The following ABCA8 variants were observed in gnomAD, a reference collection of about 807,000 sequenced individuals.
The protein encoded by ABCA8 is ATP binding cassette subfamily A member 8.
In ABCA8, 177 loss-of-function variants were observed where a neutral mutation model predicts 192.3. The observed-to-expected ratio is 0.92, with a 90% CI of 0.81 to 1.04. The LOEUF (loss-of-function observed/expected upper bound fraction) is 1.04. Ranked by LOEUF, ABCA8 falls within the 50% of genes least tolerant of loss-of-function variation. The probability of loss-of-function intolerance (pLI) is 0.00; values close to 1 mark genes in which losing one functional copy is unlikely to be tolerated. For synonymous variants in ABCA8, 642 were observed against 690.2 expected (o/e 0.93, Z 1.09); for missense variants, 1,915 against 1,904.8 (o/e 1.01, Z -0.10).
intron 37 of ABCA8, among the ~76,000 whole-genome samples, chr17:68,873,761 G>T (rs1255079340): frequency 6.6e-6 from 1 of 152,116 alleles, no homozygotes; most frequent in African/African-American, 2.4e-5. Context: ...TCATTCTTCT[G>T]CATGTGGATA....
intron 32 of ABCA8, chr17:68,878,483 GC>G (rs1453396549): frequency 6.6e-6 from 1 of 152,268 alleles, no homozygotes; most frequent in African/African-American, 2.4e-5. Flanking sequence ...TGTCCTTCCA[GC>G]CATAGAGCAG....
chr17:68,900,853 C>T (rs1443732354), intron 21 of ABCA8, among the ~76,000 whole-genome samples: 4 of 152,058 alleles, frequency 2.6e-5, no homozygotes, highest in Non-Finnish European at 5.9e-5. Context: ...ACAAATCCAA[C>T]ATCTGTTCAT....
At chr17:68,945,058 G>A (rs1263950121) in intron 2 of ABCA8, among the ~76,000 whole-genome samples, 1 of 152,138 alleles carries the variant, frequency 6.6e-6, no homozygotes, top group Non-Finnish European at 1.5e-5. Flanking sequence ...AAAAAGCTAT[G>A]GCAGTCTATG....
intron 22 of ABCA8, 83 bp downstream of exon 22, chr17:68,894,797 A>G (rs1359201105): frequency 1.4e-6 from 2 of 1,433,042 alleles, no homozygotes; most frequent in South Asian, 1.5e-5. Flanking sequence ...TTTCATTTTT[A>G]TTTCTTAAGT....
chr17:68,947,824 C>A (rs1174171575), intron 2 of ABCA8, among the ~76,000 whole-genome samples: 1 of 151,976 alleles, frequency 6.6e-6, no homozygotes, highest in African/African-American at 2.4e-5. Flanking sequence ...GTTTGCTGCA[C>A]CTATCAACCC....
rs756904179 is a variant in ABCA8 at position 68,881,937 on chromosome 17, C to T, written c.3872G>A (p.Gly1291Glu). The change falls in exon 31 of 40, where the codon GGG becomes GAG. Residue 1291 changes from glycine (G) to glutamate (E), a missense_variant. Gly to Glu is a moderately conservative substitution (Grantham distance 98, BLOSUM62 -2). Transcript: ENST00000586539. ...CTTGGAAAAACAGCCTTTCCTCTTC[C>T]CTGCATACTCCTTGCGTAGACAGCT... ...IASCLRKEYA[G>E]KRKGCFSKRK... 2 of 1,614,112 alleles carry T rather than the reference C, an allele frequency of 1.2e-6. No individual in the cohort carries two copies. Among genetic ancestry groups the T allele is most frequent in the South Asian group, 2.2e-5 (2 of 91,080 alleles).
chr17:68,895,001 T>G lies in ABCA8; in HGVS notation c.2777A>C (p.Asp926Ala), dbSNP rs776720062. Residue 926 changes from aspartate to alanine, a missense_variant, in exon 22 of 40, where the codon GAT (aspartate) becomes GCT (alanine). Asp to Ala is a moderately radical substitution (Grantham distance 126). Transcript: ENST00000586539. ...LIINKTGASI[D>A]DFIQSVEHQN... ...GTGCTCCACAGACTGTATAAAGTCA[T>G]CAATGCTTGCCCCTAAGGTGTAGTT... is the stretch of plus-strand genomic sequence containing the variant. 3.1e-6 allele frequency: 5 copies of G among 1,608,594 alleles called. No homozygotes were observed. Among genetic ancestry groups the G allele is most frequent in the Non-Finnish European group, 4.2e-6 (5 of 1,178,244 alleles).
chr17:68,902,938 T>G, intron 20 of ABCA8, 59 bp from the exon 21 acceptor site: 2 of 1,419,770 alleles, frequency 1.4e-6, no homozygotes, highest in South Asian at 1.3e-5. Flanking sequence ...TAATACTCTC[T>G]GAGCAGTTTA....
chr17:68,871,667 A>C (rs1426017242), intron 37 of ABCA8, among the ~76,000 whole-genome samples: 1 of 152,152 alleles, frequency 6.6e-6, no homozygotes, highest in Non-Finnish European at 1.5e-5. Flanking sequence ...TGTCATAATC[A>C]ATAATGGACT....
rs200731404 is a variant in ABCA8 at position 68,937,086 on chromosome 17, C to T, written c.331G>A (p.Glu111Lys). Residue 111 changes from glutamate to lysine, a missense_variant, in exon 5 of 40, where the codon GAA becomes AAA. Coordinates refer to ENST00000586539, the MANE Select transcript of ABCA8 (RefSeq NM_001288985.2). ...TTTGCTGTGAATTCTTTAATACTTT[C>T]CTCATCTGGCAGTCCCAAGACCTCT... ...GKEVLGLPDE[E>K]SIKEFTANYP... 2 of 1,608,072 alleles carry T rather than the reference C, an allele frequency of 1.2e-6. No homozygotes were observed. Among genetic ancestry groups the T allele is most frequent in the Admixed American group, 1.7e-5 (1 of 58,878 alleles).
At chr17:68,918,690 T>TTG in intron 14 of ABCA8, 144 bp from the exon 15 acceptor site, 1 of 749,844 alleles carries the variant, frequency 1.3e-6, no homozygotes, top group East Asian at 3.2e-5. Context: ...TCTCAGCACT[T>TTG]TGGGAGGCTG....
chr17:68,903,284 G>A lies in ABCA8; in HGVS notation c.2597+17C>T, dbSNP rs767848697. The A allele has an allele frequency of 3.1e-6, 5 of 1,612,686 alleles. No homozygotes were observed. In the South Asian group the frequency reaches 5.5e-5, roughly 18 times the overall value. On this transcript the variant is annotated intron_variant, in intron 20 of 39. Coordinates refer to ENST00000586539, the MANE Select transcript of ABCA8 (RefSeq NM_001288985.2). Reference sequence around the variant, plus strand: ...CATTGACTTAAAAAGAAAACCTATGGCAACTCTGATACTTACAGTGCTAAA... The same window carrying A: ...CATTGACTTAAAAAGAAAACCTATGACAACTCTGATACTTACAGTGCTAAA...
At chr17:68,873,563 G>A (rs1052971152) in intron 37 of ABCA8, among the ~76,000 whole-genome samples, 5 of 151,958 alleles carry the variant, frequency 3.3e-5, no homozygotes, top group South Asian at 2.1e-4. Context: ...ATATCATCCC[G>A]CTTGTTTATT....
intron 9 of ABCA8, 130 bp from the exon 10 acceptor site, chr17:68,928,193 C>T (rs1176786320): frequency 4.4e-6 from 3 of 675,354 alleles, no homozygotes; most frequent in Admixed American, 4.1e-5. Context: ...AGGGAGACTG[C>T]CTCCTTTATG....
rs372811858 is a variant in ABCA8 at position 68,929,175 on chromosome 17, G to A, written c.999C>T (p.Val333=). 1.6e-5 allele frequency: 26 copies of A among 1,610,520 alleles called. No individual in the cohort carries two copies. Among genetic ancestry groups the A allele is most frequent in the Middle Eastern group, 1.7e-4 (1 of 6,054 alleles). ...CCCAAAAGACAGTGAGGAGGAACAC[G>A]ACCAGGCCGGTGAGGAAAGATTTCT... ...LVKKSFLTGL[V]VFLLTVFWGC... is the part of the protein sequence containing the mutation. The change falls in exon 9 of 40, where the codon GTC becomes GTT. Residue 333 remains valine, a synonymous_variant. Transcript: ENST00000586539.
intron 25 of ABCA8, 37 bp downstream of exon 25, chr17:68,887,299 T>C: frequency 2.6e-6 from 4 of 1,531,428 alleles, no homozygotes; most frequent in Non-Finnish European, 3.6e-6. Context: ...ACAATGATAT[T>C]GTGAATATTG....
intron 5 of ABCA8, among the ~76,000 whole-genome samples, chr17:68,935,730 A>G (rs2068049120): frequency 6.6e-6 from 1 of 151,874 alleles, no homozygotes. Flanking sequence ...TTGCTGGATC[A>G]AATGGTAGTT....
intron 36 of ABCA8, 21 bp downstream of exon 36, chr17:68,875,593 G>T (rs758463245): frequency 1.9e-6 from 3 of 1,610,678 alleles, no homozygotes; most frequent in African/African-American, 2.7e-5. Context: ...GCTCAAGTGT[G>T]GGTCCAGGAC....
At chr17:68,904,790 T>C (rs1290663067) in intron 19 of ABCA8, among the ~76,000 whole-genome samples, 1 of 152,164 alleles carries the variant, frequency 6.6e-6, no homozygotes, top group African/African-American at 2.4e-5. Flanking sequence ...GCATAGTGTC[T>C]TGAGCAAGAC....
Sources: allele counts gnomAD v4.1 joint callset (sites outside exome capture counted in the v4.1 genomes callset), GRCh38; gene constraint gnomAD v4.1.1; transcripts MANE v1.5; gene names NCBI Gene and HGNC (gene_info 2026-07-23, HGNC 2026-07-21).